The following ZBBX variants were observed in gnomAD, a reference collection of about 807,000 sequenced individuals.
ZBBX encodes zinc finger B-box domain-containing protein 1.
Under a neutral mutation model 108.5 loss-of-function variants are expected in ZBBX, and 101 were observed. The ratio of observed to expected loss-of-function variants is 0.93; its 90% CI spans 0.79 to 1.10. ZBBX has a LOEUF of 1.10. ZBBX is among the 50% of genes least tolerant of loss of function. The pLI, the probability that ZBBX is intolerant of heterozygous loss-of-function variation, is 0.00. For missense variants in ZBBX, 1,009 were observed against 941.4 expected (o/e 1.07, Z -0.94); for synonymous variants, 356 against 323.4 (o/e 1.10, Z -1.08).
Position 167,317,601 on chromosome 3 carries a change from C to G in ZBBX, c.984-4G>C, listed in dbSNP as rs772709117. ...AAAAAGTTGCTCTTGTGGAGTTCTA[C>G]AAAATAAGAAAGAAGCAATTAAGAG... On this transcript the variant is annotated splice_region_variant and splice_polypyrimidine_tract_variant and intron_variant, in intron 12 of 21. Transcript: ENST00000675490. 1.9e-6 allele frequency: 3 copies of G among 1,593,196 alleles called. No homozygotes were observed. The Admixed American group carries it at 5.3e-5, about 28-fold the overall frequency.
chr3:167,239,357 C>T (rs920302732), downstream of ZBBX, among the ~76,000 whole-genome samples: 1 of 152,004 alleles, frequency 6.6e-6, no homozygotes, highest in African/African-American at 2.4e-5. Flanking sequence ...CCTTGAAAAA[C>T]ATAGGTTTGA....
Position 167,343,813 on chromosome 3 carries a change from T to C in ZBBX, c.528+6607A>G, listed in dbSNP as rs1469666968. On this transcript the variant is annotated intron_variant, in intron 9 of 21. Coordinates refer to ENST00000675490, the MANE Select transcript of ZBBX (RefSeq NM_001199201.2). ...GCCACTTTGAAAAACAGTCTTGCAG[T>C]TCCTCAAACAATTAAAAATGGAGTT... 4.6e-5 allele frequency among the ~76,000 whole-genome samples: 7 copies of C among 151,888 alleles called. No individual in the cohort carries two copies. In the South Asian group the frequency reaches 1.2e-3, roughly 27 times the overall value.
chr3:167,180,118 G>C, the ZBBX span, among the ~76,000 whole-genome samples: 1 of 152,180 alleles, frequency 6.6e-6, no homozygotes, highest in Non-Finnish European at 1.5e-5. Flanking sequence ...AACAACACCA[G>C]TAGGTGAATG....
chr3:167,296,255 CACA>C (rs1731675311), intron 18 of ZBBX, among the ~76,000 whole-genome samples: 1 of 151,972 alleles, frequency 6.6e-6, no homozygotes, highest in Non-Finnish European at 1.5e-5. Flanking sequence ...AATGCCTCTA[CACA>C]ATAAAAGTAA....
At chr3:167,399,962 G>T (rs1260753114) in intron 1 of ZBBX, among the ~76,000 whole-genome samples, 2 of 152,020 alleles carry the variant, frequency 1.3e-5, no homozygotes, top group Non-Finnish European at 2.9e-5. Flanking sequence ...TTCAGTATTT[G>T]GTTTTCTGTT....
chr3:167,367,412 G>T (rs1745481262), intron 5 of ZBBX, among the ~76,000 whole-genome samples: 1 of 151,612 alleles, frequency 6.6e-6, no homozygotes, highest in Admixed American at 6.6e-5. Context: ...ACATAATAAA[G>T]ATCTGAAAAA....
At chr3:167,228,444 G>T in the ZBBX span, among the ~76,000 whole-genome samples, 1 of 151,698 alleles carries the variant, frequency 6.6e-6, no homozygotes, top group Non-Finnish European at 1.5e-5. Flanking sequence ...CATTATAGTG[G>T]ACTTAGAACA....
At chr3:167,199,888 A>T in the ZBBX span, among the ~76,000 whole-genome samples, 2 of 152,156 alleles carry the variant, frequency 1.3e-5, no homozygotes, top group African/African-American at 4.8e-5. Context: ...TCATTTTCTC[A>T]CAGCTCTGGA....
At chr3:167,263,960 T>C (rs144897197) in intron 20 of ZBBX, among the ~76,000 whole-genome samples, 1 of 152,370 alleles carries the variant, frequency 6.6e-6, no homozygotes, top group East Asian at 1.9e-4. Context: ...CCCTTTATCA[T>C]TATATAATGA....
intron 9 of ZBBX, among the ~76,000 whole-genome samples, chr3:167,349,427 C>T (rs1742264352): frequency 1.3e-5 from 2 of 151,980 alleles, no homozygotes; most frequent in African/African-American, 2.4e-5. Context: ...TCCCTGCATC[C>T]TTTCTGCCCA....
the ZBBX span, among the ~76,000 whole-genome samples, chr3:167,195,734 C>A: frequency 6.6e-6 from 1 of 152,172 alleles, no homozygotes. Flanking sequence ...TGCATCAAAT[C>A]TGACGTTTAT....
the ZBBX span, among the ~76,000 whole-genome samples, chr3:167,217,587 T>A: frequency 6.6e-6 from 1 of 152,252 alleles, no homozygotes; most frequent in East Asian, 1.9e-4. Flanking sequence ...AGAACTACCA[T>A]TCAACCCAGC....
At position 167,348,261 on chromosome 3, in the gene ZBBX, GGGAA is replaced by G. The variant is rs71176640; in HGVS notation, c.528+2155_528+2158del. On this transcript the variant is annotated intron_variant, in intron 9 of 21. Transcript: ENST00000675490. ...AGGAAGGGAGGGAGGGAGGGTGGAAGGGAAGGAAGGAAGGAAGGAAGGAAGGAAG... is the reference window on the plus strand; with the variant it reads ...AGGAAGGGAGGGAGGGAGGGTGGAAGGGAAGGAAGGAAGGAAGGAAGGAAG... Among the ~76,000 whole-genome samples the G allele has an allele frequency of 1.3e-3, 96 of 74,732 alleles. 2 individuals are homozygous for G. The highest frequency in any genetic ancestry group is 2.7e-3 in the South Asian group (4 of 1,500). 49.0% of individuals were successfully genotyped at this position (74,732 alleles called of 152,430 possible).
At position 167,282,385 on chromosome 3, in the gene ZBBX, G is replaced by A. The variant is rs775484913; in HGVS notation, c.2107C>T (p.Gln703Ter). ...TCAGAAGCAGCTCTAGATGATGATTGAGCAGCTGCACTTCTTGATCGAGGA... is the reference window on the plus strand; with the variant it reads ...TCAGAAGCAGCTCTAGATGATGATTAAGCAGCTGCACTTCTTGATCGAGGA... ...SHPRSRSAAA[Q>*]SSSRAASEIS... The change falls in exon 20 of 22, where the codon CAA (glutamine) becomes TAA (stop). Residue 703 changes from glutamine (Q) to a stop codon, truncating the protein, a stop_gained. Coordinates refer to ENST00000675490, the MANE Select transcript of ZBBX (RefSeq NM_001199201.2). LOFTEE classifies it high-confidence loss of function. 1.2e-6 allele frequency: 2 copies of A among 1,614,090 alleles called. No homozygotes were observed. The highest frequency in any genetic ancestry group is 1.7e-6 in the Non-Finnish European group (2 of 1,179,998).
upstream of ZBBX, among the ~76,000 whole-genome samples, chr3:167,381,070 T>G (rs1747682211): frequency 6.6e-6 from 1 of 152,084 alleles, no homozygotes; most frequent in Admixed American, 6.5e-5. Context: ...TTAACCACAT[T>G]GCATCTGTCT....
intron 20 of ZBBX, among the ~76,000 whole-genome samples, chr3:167,249,989 C>T (rs778751377): frequency 1.4e-4 from 21 of 152,226 alleles, no homozygotes; most frequent in Non-Finnish European, 2.6e-4. Flanking sequence ...TGTCCATGAT[C>T]GACTAAGGAT....
In ZBBX at chr3:167,333,933, T is replaced by C; in HGVS notation, c.581A>G (p.Lys194Arg). The change falls in exon 10 of 22, where the codon AAG (lysine) becomes AGG (arginine). Residue 194 changes from lysine (K) to arginine (R), a missense_variant. Physicochemically the swap from Lys to Arg is conservative, Grantham distance 26 (BLOSUM62 2). Transcript: ENST00000675490. The part of the protein sequence containing the change: ...NVLDVAHQFI[K>R]DVNPDEPKEE... ...TTTGGGTTCATCTGGATTAACATCCTTTATAAACTGATGGGCAACATCCAA... is the reference window on the plus strand; with the variant it reads ...TTTGGGTTCATCTGGATTAACATCCCTTATAAACTGATGGGCAACATCCAA... 2 of 1,610,202 alleles carry C rather than the reference T, an allele frequency of 1.2e-6. No individual in the cohort carries two copies. The highest frequency in any genetic ancestry group is 1.7e-6 in the Non-Finnish European group (2 of 1,177,970).
At chr3:167,370,363 CAGG>C (rs1745976313) in intron 4 of ZBBX, among the ~76,000 whole-genome samples, 1 of 152,154 alleles carries the variant, frequency 6.6e-6, no homozygotes, top group African/African-American at 2.4e-5. Flanking sequence ...TTTGAGCTGT[CAGG>C]AGGACAATGG....
At chr3:167,184,480 T>C in the ZBBX span, among the ~76,000 whole-genome samples, 1 of 152,132 alleles carries the variant, frequency 6.6e-6, no homozygotes, top group Non-Finnish European at 1.5e-5. Context: ...CCTCATCATA[T>C]GACCCAGAAA....
Sources: allele counts gnomAD v4.1 joint callset (sites outside exome capture counted in the v4.1 genomes callset), GRCh38; gene constraint gnomAD v4.1.1; transcripts MANE v1.5; gene names NCBI Gene and HGNC (gene_info 2026-07-23, HGNC 2026-07-21).